PTBP3: variants seen among roughly 807,000 people sequenced by gnomAD.
PTBP3 encodes polypyrimidine tract binding protein 3.
In PTBP3, 20 loss-of-function variants were observed where a neutral mutation model predicts 58.7. That is an observed-to-expected ratio of 0.34 (90% CI 0.24 to 0.50). The LOEUF (loss-of-function observed/expected upper bound fraction) is 0.50, where lower values mean the gene tolerates loss of function less well. Ranked by LOEUF, PTBP3 falls within the 20% of genes least tolerant of loss-of-function variation. The pLI is 0.98. For synonymous variants in PTBP3, 185 were observed against 219.8 expected, an observed-to-expected ratio of 0.84 and a Z score of 1.40; for missense variants, 509 against 637.2, an observed-to-expected ratio of 0.80 and a Z score of 2.17.
chr9:112,248,890 C>CTA lies in PTBP3; in HGVS notation c.802+2037_802+2038dup, dbSNP rs146520537. 2.8e-3 allele frequency among the ~76,000 whole-genome samples: 423 copies of CTA among 152,274 alleles called. 3 individuals carry two copies. The highest frequency in any genetic ancestry group is 0.014 in the Middle Eastern group (4 of 294). On this transcript the variant is annotated intron_variant, in intron 7 of 13. Transcript: ENST00000374257. ...ATAAAATGGATAAACAAACCATGAT[C>CTA]TATTATTCTTCCAATGGGATACTAC...
intron 1 of PTBP3, among the ~76,000 whole-genome samples, chr9:112,332,502 TA>T (rs946071922): frequency 6.6e-6 from 1 of 151,900 alleles, no homozygotes; most frequent in African/African-American, 2.4e-5. Context: ...GGTAACAAGC[TA>T]AAAAAAACCT....
At chr9:112,303,728 G>A (rs1829047905) in intron 1 of PTBP3, among the ~76,000 whole-genome samples, 1 of 152,164 alleles carries the variant, frequency 6.6e-6, no homozygotes, top group Non-Finnish European at 1.5e-5. Context: ...GCCAGGTGTG[G>A]TGGTGTGCAA....
chr9:112,360,601 G>A, the PTBP3 span, among the ~76,000 whole-genome samples: 2 of 152,150 alleles, frequency 1.3e-5, no homozygotes, highest in African/African-American at 4.8e-5. Context: ...TCTGCTCTGA[G>A]TCACATTATA....
intron 2 of PTBP3, among the ~76,000 whole-genome samples, chr9:112,279,306 T>C (rs755577313): frequency 1.5e-4 from 23 of 152,192 alleles, no homozygotes; most frequent in Non-Finnish European, 2.4e-4. Flanking sequence ...GTATAAATCG[T>C]GTTGTATTTT....
At chr9:112,346,939 G>A in the PTBP3 span, among the ~76,000 whole-genome samples, 2 of 152,130 alleles carry the variant, frequency 1.3e-5, no homozygotes, top group Non-Finnish European at 2.9e-5. Flanking sequence ...GGCCAGGCTG[G>A]TCTTGAACTC....
intron 12 of PTBP3, among the ~76,000 whole-genome samples, chr9:112,224,886 C>T (rs1047179491): frequency 6.6e-5 from 10 of 152,150 alleles, no homozygotes; most frequent in African/African-American, 2.2e-4. Context: ...CTGGGGCCTT[C>T]GGTCAACAAA....
intron 2 of PTBP3, among the ~76,000 whole-genome samples, chr9:112,283,188 A>G (rs371408149): frequency 3.8e-4 from 58 of 152,332 alleles, no homozygotes; most frequent in African/African-American, 1.3e-3. Context: ...TGGTACTGGT[A>G]GAGTGGGATA....
chr9:112,263,478 G>A (rs1836680879), intron 4 of PTBP3, among the ~76,000 whole-genome samples: 1 of 152,148 alleles, frequency 6.6e-6, no homozygotes, highest in Non-Finnish European at 1.5e-5. Context: ...TTACTTCTGT[G>A]ATGTTCTGTC....
At chr9:112,300,527 C>T (rs947962558) in intron 1 of PTBP3, among the ~76,000 whole-genome samples, 21 of 151,326 alleles carry the variant, frequency 1.4e-4, no homozygotes, top group African/African-American at 3.4e-4. Flanking sequence ...GCTTGGCGGG[C>T]GGATCACAAG....
intron 1 of PTBP3, among the ~76,000 whole-genome samples, chr9:112,299,240 A>G (rs950350740): frequency 2.0e-5 from 3 of 152,256 alleles, no homozygotes; most frequent in Non-Finnish European, 4.4e-5. Context: ...GTTTCTACCT[A>G]TAAATCAAGT....
chr9:112,375,704 A>G, the PTBP3 span, among the ~76,000 whole-genome samples: 3 of 152,054 alleles, frequency 2.0e-5, no homozygotes, highest in Admixed American at 6.5e-5. Flanking sequence ...CTAGAGCCCA[A>G]TCATGCATAT....
chr9:112,227,218 G>T (rs1016146829), intron 12 of PTBP3, among the ~76,000 whole-genome samples, 193 bp downstream of exon 12: 1 of 152,096 alleles, frequency 6.6e-6, no homozygotes, highest in Non-Finnish European at 1.5e-5. Flanking sequence ...TTTAAAACAG[G>T]TATCTTTCTA....
At chr9:112,274,376 C>T (rs1827516554) in intron 3 of PTBP3, among the ~76,000 whole-genome samples, 1 of 152,180 alleles carries the variant, frequency 6.6e-6, no homozygotes, top group Admixed American at 6.5e-5. Flanking sequence ...TAATACATCA[C>T]AATGTACTAC....
At chr9:112,273,334 T>C (rs570676993) in intron 3 of PTBP3, among the ~76,000 whole-genome samples, 66 of 152,344 alleles carry the variant, frequency 4.3e-4, no homozygotes, top group Admixed American at 7.2e-4. Flanking sequence ...TTTCTAATTT[T>C]TCTAAGACAA....
At chr9:112,249,661 G>C (rs1329449642) in intron 7 of PTBP3, among the ~76,000 whole-genome samples, 3 of 152,038 alleles carry the variant, frequency 2.0e-5, no homozygotes, top group Non-Finnish European at 4.4e-5. Flanking sequence ...TGAACATTCT[G>C]ATATTTTATA....
In PTBP3 at chr9:112,223,091, T is replaced by C. The variant is rs1237328627; in HGVS notation, c.*760A>G. On this transcript the variant is annotated 3_prime_UTR_variant, in exon 14 of 14. Transcript: ENST00000374257. ...TGTCATTTTGAAATTTAAAACATGA[T>C]TTTTTCCTAATAAAATTATTAGTTA... 3.5e-6 allele frequency: 3 copies of C among 867,554 alleles called. No individual in the cohort carries two copies. Among genetic ancestry groups the C allele is most frequent in the Non-Finnish European group, 4.2e-6 (3 of 722,506 alleles). 53.7% of individuals were successfully genotyped at this position (867,554 alleles called of 1,614,324 possible).
At chr9:112,325,347 G>A (rs1371546817) in intron 1 of PTBP3, among the ~76,000 whole-genome samples, 1 of 152,116 alleles carries the variant, frequency 6.6e-6, no homozygotes, top group Non-Finnish European at 1.5e-5. Context: ...GAAGGGGGTG[G>A]AGCCACCAGG....
chr9:112,368,366 T>C, the PTBP3 span, among the ~76,000 whole-genome samples: 2 of 152,170 alleles, frequency 1.3e-5, no homozygotes, highest in Non-Finnish European at 2.9e-5. Flanking sequence ...AGACAGGGTT[T>C]CGCCATGTTG....
At chr9:112,304,589 C>CAA (rs1301243138) in intron 1 of PTBP3, among the ~76,000 whole-genome samples, 14 of 152,258 alleles carry the variant, frequency 9.2e-5, no homozygotes, top group Admixed American at 9.2e-4. Flanking sequence ...TTTTGTGAGA[C>CAA]AGAGTCTCGT....
Sources: gnomAD v4.1 joint callset for allele counts (sites outside exome capture counted in the v4.1 genomes callset) on GRCh38, gnomAD v4.1.1 for gene constraint, MANE v1.5 for transcripts, NCBI Gene and HGNC (gene_info 2026-07-23, HGNC 2026-07-21) for gene names.